MCFD2: variants seen among roughly 807,000 people sequenced by gnomAD.
MCFD2 encodes the protein multiple coagulation factor deficiency 2, ER cargo receptor complex subunit, also known as multiple coagulation factor deficiency protein 2.
In MCFD2, 11 loss-of-function variants were observed where a neutral mutation model predicts 12.8. That is an observed-to-expected ratio of 0.86 (90% CI 0.54 to 1.42). The LOEUF is 1.42. MCFD2 is among the 40% of genes most tolerant of loss of function. The pLI, the probability that MCFD2 is intolerant of heterozygous loss-of-function variation, is 0.00. For missense variants in MCFD2, 191 were observed against 178.6 expected (o/e 1.07, Z -0.40); for synonymous variants, 70 against 68.1 (o/e 1.03, Z -0.14).
chr2:46,916,462 T>C (rs1572625633), upstream of MCFD2: 5 of 152,482 alleles, frequency 3.3e-5, 1 homozygote, highest in Admixed American at 3.3e-4. Flanking sequence ...AGAGGACAGA[T>C]TACTTAAAAA....
chr2:46,941,633 A>G lies in MCFD2; in HGVS notation c.-69T>C, dbSNP rs1187820060. The G allele has an allele frequency of 3.2e-6, 5 of 1,554,370 alleles. No homozygotes were observed. Among genetic ancestry groups the G allele is most frequent in the South Asian group, 1.2e-5 (1 of 84,280 alleles). ...GAGGGCCACTGGGACCGCATGCCGG[A>G]GCTGGTCCGGCAGCTGCAGACGCTG... On this transcript the variant is annotated 5_prime_UTR_variant, in exon 1 of 3. Coordinates refer to the MCFD2 transcript ENST00000409147. The surrounding 1 kb of genome is among the most constrained non-coding windows in gnomAD (Gnocchi z 4.2).
rs1277580408 is a variant in MCFD2 at position 46,941,018 on chromosome 2, A to C, written c.-8+554T>G. Among the ~76,000 whole-genome samples, 6 of 151,056 alleles carry C rather than the reference A, an allele frequency of 4.0e-5. No homozygotes were observed. The highest frequency in any genetic ancestry group is 1.5e-4 in the African/African-American group (6 of 40,746). The stretch of plus-strand genomic sequence containing the variant: ...GGGCGCCGGGGCTCCGCGCGGGATT[A>C]AAGTGAGCTCCGACTCCGCGGCGGG... On this transcript the variant is annotated intron_variant, in intron 1 of 2. Coordinates refer to the MCFD2 transcript ENST00000409147. This position sits in a 1 kb window ranked among gnomAD's most constrained non-coding sequence, Gnocchi z 4.2.
In MCFD2 at chr2:46,940,745, A is replaced by G. The variant is rs1417732601; in HGVS notation, c.-8+827T>C. Among the ~76,000 whole-genome samples the G allele has an allele frequency of 1.3e-5, 2 of 152,184 alleles. No homozygotes were observed. The highest frequency in any genetic ancestry group is 2.9e-5 in the Non-Finnish European group (2 of 68,022). On this transcript the variant is annotated intron_variant, in intron 1 of 2. Transcript: ENST00000409147. This position sits in a 1 kb window ranked among gnomAD's most constrained non-coding sequence, Gnocchi z 4.7. ...CGTCCAGAGAGTCGCGGGCCTGGGAACGGGCCTGGGTCCTCGCGAGCATGC... is the reference window on the plus strand; with the variant it reads ...CGTCCAGAGAGTCGCGGGCCTGGGAGCGGGCCTGGGTCCTCGCGAGCATGC...
Position 46,937,653 on chromosome 2 carries a change from G to T in MCFD2, c.-8+3919C>A, listed in dbSNP as rs1670046610. Among the ~76,000 whole-genome samples, 1 of 152,160 alleles carries T rather than the reference G, an allele frequency of 6.6e-6. No homozygotes were observed. Among genetic ancestry groups the T allele is most frequent in the African/African-American group, 2.4e-5 (1 of 41,424 alleles). ...GGGTCTCACTAGATTGTCCAGGCTG[G>T]TCTTGAATTCCTGGACTCAAGTGAT... On this transcript the variant is annotated intron_variant, in intron 1 of 2. Coordinates refer to the MCFD2 transcript ENST00000409147. This position sits in a 1 kb window ranked among gnomAD's most constrained non-coding sequence, Gnocchi z 4.0.
intron 1 of MCFD2, among the ~76,000 whole-genome samples, chr2:46,935,727 T>C (rs1194086072): frequency 6.6e-6 from 1 of 152,174 alleles, no homozygotes; most frequent in Non-Finnish European, 1.5e-5. Context: ...AGCTTCCTGC[T>C]TGGAGTTCTT....
chr2:46,927,887 T>G (rs868292171), intron 1 of MCFD2, among the ~76,000 whole-genome samples: 214 of 111,812 alleles, frequency 1.9e-3, no homozygotes, highest in African/African-American at 7.1e-3. Context: ...TTTTGGTGTT[T>G]TTTTTTTTTT....
At chr2:46,932,222 T>G (rs1432215161) in intron 1 of MCFD2, among the ~76,000 whole-genome samples, 1 of 151,862 alleles carries the variant, frequency 6.6e-6, no homozygotes, top group Non-Finnish European at 1.5e-5. Flanking sequence ...GGGTCTTGGC[T>G]CACTGCAACC....
Position 46,915,772 on chromosome 2 carries a change from A to G in MCFD2, c.-56T>C. The G allele has an allele frequency of 1.1e-6, 1 of 938,234 alleles. No individual in the cohort carries two copies. The highest frequency in any genetic ancestry group is 1.3e-6 in the Non-Finnish European group (1 of 798,578). The allele number at this position is 938,234 out of a possible 1,614,324, so 58.1% of individuals were successfully genotyped here. A position where few individuals can be genotyped will look rare whatever the true frequency, so the allele number is the denominator to read the frequency against. On this transcript the variant is annotated 5_prime_UTR_variant, in exon 1 of 4. Coordinates refer to ENST00000319466, the MANE Select transcript of MCFD2 (RefSeq NM_139279.6). ...GAAGCCCTCCAACGTGAGCCTCACC[A>G]GCCCCCGTCCCCAAAACGCTCTTCC...
intron 1 of MCFD2, among the ~76,000 whole-genome samples, chr2:46,930,417 G>T (rs1572648926): frequency 7.4e-6 from 1 of 135,892 alleles, no homozygotes. Flanking sequence ...TAAAAAGCTA[G>T]ATGAAACGTA....
In MCFD2 at chr2:46,904,255, T is replaced by G. The variant is rs1572603833; in HGVS notation, c.*1208A>C. 1 of 152,260 alleles carries G rather than the reference T, an allele frequency of 6.6e-6. No individual in the cohort carries two copies. The highest frequency in any genetic ancestry group is 1.5e-5 in the Non-Finnish European group (1 of 68,076). 9.4% of individuals were successfully genotyped at this position (152,260 alleles called of 1,614,324 possible). ...GGGGAGAGAACCTCTGCTAGGGCAG[T>G]GCAGAAGGGAAATGTGGTGTGGGAG... On this transcript the variant is annotated 3_prime_UTR_variant, in exon 4 of 4. Coordinates refer to ENST00000319466, the MANE Select transcript of MCFD2 (RefSeq NM_139279.6).
At chr2:46,924,477 G>C (rs1168076258) in intron 1 of MCFD2, among the ~76,000 whole-genome samples, 3 of 151,994 alleles carry the variant, frequency 2.0e-5, no homozygotes, top group African/African-American at 7.2e-5. Flanking sequence ...TTTTGTATTT[G>C]AGTATAATAA....
intron 1 of MCFD2, among the ~76,000 whole-genome samples, chr2:46,913,109 A>C (rs763780755): frequency 4.6e-5 from 7 of 152,170 alleles, no homozygotes; most frequent in Non-Finnish European, 8.8e-5. Context: ...CCCTTCTTTA[A>C]GGGAGGTGGG....
chr2:46,922,621 G>T (rs142787482), intron 1 of MCFD2, among the ~76,000 whole-genome samples: 1 of 151,942 alleles, frequency 6.6e-6, no homozygotes, highest in Non-Finnish European at 1.5e-5. Flanking sequence ...TTTGTTTCTG[G>T]TTCATATGTA....
At chr2:46,924,651 G>T (rs140137104) in intron 1 of MCFD2, among the ~76,000 whole-genome samples, 125 of 152,068 alleles carry the variant, frequency 8.2e-4, no homozygotes, top group African/African-American at 2.9e-3. Context: ...CCTGGAGATA[G>T]GGTCTTGCTC....
upstream of MCFD2, among the ~76,000 whole-genome samples, chr2:46,918,985 C>G (rs1401654886): frequency 1.3e-5 from 2 of 152,256 alleles, no homozygotes; most frequent in South Asian, 2.1e-4. Context: ...CAAGTAGAGA[C>G]AGAGAGGTGG....
At chr2:46,930,777 G>A (rs1669658662) in intron 1 of MCFD2, among the ~76,000 whole-genome samples, 1 of 152,144 alleles carries the variant, frequency 6.6e-6, no homozygotes, top group African/African-American at 2.4e-5. Context: ...AGGGATTACA[G>A]GCGTGAGCCA....
rs1670293302 is a variant in MCFD2, at chr2:46,941,056, G to GGC, written c.-8+515_-8+516insGC. The GGC allele has an allele frequency of 6.6e-6, 1 of 151,106 alleles. No individual in the cohort carries two copies. The highest frequency in any genetic ancestry group is 2.4e-5 in the African/African-American group (1 of 41,110). The allele number at this position is 151,106 out of a possible 1,614,324, so 9.4% of individuals were successfully genotyped here. A position where few individuals can be genotyped will look rare whatever the true frequency, so the allele number is the denominator to read the frequency against. ...ACTCCGCGGCGGGGGCGGCGGCGGG[G>GGC]GGCGGGTACCCGGGCGGCCGCGAGC... On this transcript the variant is annotated intron_variant, in intron 1 of 2. Coordinates refer to the MCFD2 transcript ENST00000409147. This position sits in a 1 kb window ranked among gnomAD's most constrained non-coding sequence, Gnocchi z 4.2.
intron 1 of MCFD2, among the ~76,000 whole-genome samples, chr2:46,930,084 A>G (rs1669610710): frequency 6.6e-6 from 1 of 152,132 alleles, no homozygotes; most frequent in Admixed American, 6.6e-5. Flanking sequence ...TTTACTATGT[A>G]TCATAACCTA....
At position 46,937,839 on chromosome 2, in the gene MCFD2, CCT is replaced by C. The variant is rs1670057075; in HGVS notation, c.-8+3731_-8+3732del. 1.3e-5 allele frequency among the ~76,000 whole-genome samples: 2 copies of C among 152,260 alleles called. No homozygotes were observed. Among genetic ancestry groups the C allele is most frequent in the East Asian group, 3.9e-4 (2 of 5,188 alleles). On this transcript the variant is annotated intron_variant, in intron 1 of 2. Coordinates refer to the MCFD2 transcript ENST00000409147. This position sits in a 1 kb window ranked among gnomAD's most constrained non-coding sequence, Gnocchi z 4.0. ...CTTTTGGAGGCTATCGGCAGTCTTCCCTGTGAAAGCAAAATGTGCTGTAATTA... is the reference window on the plus strand; with the variant it reads ...CTTTTGGAGGCTATCGGCAGTCTTCCGTGAAAGCAAAATGTGCTGTAATTA...
Sources: allele counts gnomAD v4.1 joint callset (sites outside exome capture counted in the v4.1 genomes callset), GRCh38; gene constraint gnomAD v4.1.1; non-coding constraint Gnocchi (gnomAD v3.1); transcripts MANE v1.5; gene names NCBI Gene and HGNC (gene_info 2026-07-23, HGNC 2026-07-21).